TARS2: variants seen among roughly 807,000 people sequenced by gnomAD.
The protein encoded by TARS2 is threonine--tRNA ligase, mitochondrial.
TARS2 carries 61 observed loss-of-function variants against 94.4 expected under a neutral mutation model. The observed-to-expected ratio is 0.65, with a 90% CI of 0.53 to 0.80. The LOEUF is 0.80. Among genes scored for constraint, TARS2 ranks in the 30% least tolerant of loss-of-function variants. The pLI is 0.00. For missense variants in TARS2, 704 were observed against 902.5 expected (o/e 0.78, Z 2.82); for synonymous variants, 359 against 353.4 (o/e 1.02, Z -0.18).
rs1181949429 is a variant in TARS2 at position 150,507,165 on chromosome 1, G to A, written c.*101G>A. ...ACAATGTGGAGCCCCCAGAACTTCA[G>A]AACTGTGTGGAGGCACATGTCTGCT... On this transcript the variant is annotated 3_prime_UTR_variant, in exon 18 of 18. Transcript: ENST00000369064. 4.7e-6 allele frequency: 7 copies of A among 1,491,702 alleles called. No individual in the cohort carries two copies. Among genetic ancestry groups the A allele is most frequent in the Admixed American group, 2.0e-5 (1 of 49,062 alleles). 92.4% of individuals were successfully genotyped at this position (1,491,702 alleles called of 1,614,324 possible).
chr1:150,497,829 C>T (rs1022742840), intron 10 of TARS2, 82 bp downstream of exon 10: 92 of 1,407,624 alleles, frequency 6.5e-5, no homozygotes, highest in Admixed American at 1.1e-4. Flanking sequence ...CGGTGGCTCA[C>T]GCCTGTAATC....
chr1:150,500,685 G>A (rs1224523125), intron 13 of TARS2, among the ~76,000 whole-genome samples: 3 of 152,118 alleles, frequency 2.0e-5, no homozygotes, highest in African/African-American at 7.2e-5. Context: ...TCAGGGGTTT[G>A]AGACCCTGTC....
chr1:150,502,048 GATT>G (rs1418966381), intron 13 of TARS2, among the ~76,000 whole-genome samples: 2 of 151,568 alleles, frequency 1.3e-5, no homozygotes, highest in Non-Finnish European at 1.5e-5. Flanking sequence ...GAGTAGCTGG[GATT>G]ACAGGCATGT....
Position 150,491,594 on chromosome 1 carries a change from C to T in TARS2, c.631-4C>T. ...TCTTCAATCTCCCTTCTACCTTTTT[C>T]CAGGATAACCCCTTTAAGCTTCACT... On this transcript the variant is annotated splice_polypyrimidine_tract_variant and splice_region_variant and intron_variant, in intron 5 of 17. Transcript: ENST00000369064. 6.2e-7 allele frequency: 1 copy of T among 1,614,114 alleles called. No individual in the cohort carries two copies. The highest frequency in any genetic ancestry group is 1.1e-5 in the South Asian group (1 of 91,076).
rs749219029 is a variant in TARS2, at chr1:150,491,390, C to A, written c.513-4C>A. On this transcript the variant is annotated splice_polypyrimidine_tract_variant and splice_region_variant and intron_variant, in intron 4 of 17. Transcript: ENST00000369064. ...TGCAACCCAACCAATTCTCCTCTTTCCAGGACAATCCGGGGCTCAGAGCTG... is the reference window on the plus strand; with the variant it reads ...TGCAACCCAACCAATTCTCCTCTTTACAGGACAATCCGGGGCTCAGAGCTG... 1.9e-6 allele frequency: 3 copies of A among 1,612,524 alleles called. No homozygotes were observed. The highest frequency in any genetic ancestry group is 2.5e-6 in the Non-Finnish European group (3 of 1,180,004).
At chr1:150,494,198 C>T (rs1669537086) in intron 7 of TARS2, among the ~76,000 whole-genome samples, 1 of 151,136 alleles carries the variant, frequency 6.6e-6, no homozygotes, top group East Asian at 2.0e-4. Flanking sequence ...GAAACCCTGT[C>T]TCTACTAAAA....
intron 7 of TARS2, among the ~76,000 whole-genome samples, chr1:150,495,759 G>A (rs184448703): frequency 4.0e-5 from 6 of 151,198 alleles, no homozygotes; most frequent in Admixed American, 2.0e-4. Context: ...TTGCTCTGTC[G>A]CCCAGGCTGG....
At chr1:150,491,262 G>A (rs1669369290) in intron 4 of TARS2, 132 bp from the exon 5 acceptor site, 1 of 810,282 alleles carries the variant, frequency 1.2e-6, no homozygotes, top group Non-Finnish European at 2.0e-6. Context: ...TTTTCTCTGA[G>A]TTTGTCTGTC....
At chr1:150,489,234 T>G (rs1169102768) in intron 3 of TARS2, 147 bp downstream of exon 3, 1 of 1,216,028 alleles carries the variant, frequency 8.2e-7, no homozygotes, top group East Asian at 2.5e-5. Context: ...CTATTTCTGG[T>G]TAGGAAACTT....
chr1:150,490,623 A>G lies in TARS2; in HGVS notation c.410A>G (p.His137Arg). ...CAGGTGTTCTGGCACTCCAGCACCC[A>G]TGTCCTGGGGGCAGCAGCTGAACAA... ...GKAVFWHSSTHVLGAAAEQFL... is the reference protein window; with the variant it reads ...GKAVFWHSSTRVLGAAAEQFL... The change falls in exon 4 of 18, where the codon CAT becomes CGT. Residue 137 changes from histidine to arginine, a missense_variant. Physicochemically the swap from His to Arg is conservative, Grantham distance 29. Around this residue, in one of 3 missense-constraint regions of TARS2, gnomAD observed 208 missense variants for 228.5 expected, o/e 0.91. Transcript: ENST00000369064. 6.2e-7 allele frequency: 1 copy of G among 1,613,978 alleles called. No homozygotes were observed. Among genetic ancestry groups the G allele is most frequent in the Non-Finnish European group, 8.5e-7 (1 of 1,179,970 alleles).
chr1:150,497,857 C>T (rs1018838006), intron 10 of TARS2, 110 bp downstream of exon 10: 23 of 1,124,990 alleles, frequency 2.0e-5, no homozygotes, highest in African/African-American at 1.3e-4. Context: ...TTTGGGAGGC[C>T]GAGGCGGGCG....
Position 150,504,969 on chromosome 1 carries a change from C to A in TARS2, c.1884C>A (p.Tyr628Ter). The change falls in exon 16 of 18, where the codon TAC becomes TAA. Residue 628 changes from tyrosine to a stop codon, truncating the protein, a stop_gained. Coordinates refer to ENST00000369064, the MANE Select transcript of TARS2 (RefSeq NM_025150.5). LOFTEE classifies it high-confidence loss of function. ...VIPVGSEQEE[Y>*]AKEAQQSLRA... ...CTGTGGGGAGTGAGCAAGAGGAATA[C>A]GCCAAAGAGGTAAGGAGTTGAGGTA... 1 of 1,614,100 alleles carries A rather than the reference C, an allele frequency of 6.2e-7. No individual in the cohort carries two copies. The highest frequency in any genetic ancestry group is 8.5e-7 in the Non-Finnish European group (1 of 1,180,036).
intron 1 of TARS2, 44 bp from the exon 2 acceptor site, chr1:150,487,814 A>G: frequency 6.3e-7 from 1 of 1,585,244 alleles, no homozygotes; most frequent in Non-Finnish European, 8.6e-7. Flanking sequence ...TCTAAGAAAG[A>G]ATGATGGGAC....
intron 7 of TARS2, among the ~76,000 whole-genome samples, chr1:150,495,711 T>C (rs1570847430): frequency 1.5e-5 from 2 of 135,876 alleles, no homozygotes; most frequent in South Asian, 2.4e-4. Flanking sequence ...AGTACTTTTT[T>C]GTTTGTTTGT....
At chr1:150,505,424 G>C (rs1022718201) in intron 16 of TARS2, among the ~76,000 whole-genome samples, 167 bp from the exon 17 acceptor site, 2 of 152,126 alleles carry the variant, frequency 1.3e-5, no homozygotes, top group African/African-American at 4.8e-5. Flanking sequence ...TGGGGAGGAG[G>C]CCTCAATGTG....
chr1:150,488,173 C>T (rs1669233385), intron 2 of TARS2, 119 bp downstream of exon 2: 17 of 1,183,890 alleles, frequency 1.4e-5, no homozygotes, highest in Non-Finnish European at 1.8e-5. Flanking sequence ...TTAAGATAGC[C>T]TTTCCTGAAG....
chr1:150,499,582 T>C (rs587766884), intron 13 of TARS2, among the ~76,000 whole-genome samples: 2 of 152,104 alleles, frequency 1.3e-5, no homozygotes, highest in South Asian at 4.1e-4. Context: ...GCCAGACTGG[T>C]CTCGAACTCC....
chr1:150,507,141 C>T lies in TARS2; in HGVS notation c.*77C>T. The T allele has an allele frequency of 6.3e-7, 1 of 1,577,484 alleles. No homozygotes were observed. The highest frequency in any genetic ancestry group is 1.1e-5 in the South Asian group (1 of 87,296). ...ACATGGGAGACCCCAACCCAGCTGACAATGTGGAGCCCCCAGAACTTCAGA... is the reference window on the plus strand; with the variant it reads ...ACATGGGAGACCCCAACCCAGCTGATAATGTGGAGCCCCCAGAACTTCAGA... On this transcript the variant is annotated 3_prime_UTR_variant, in exon 18 of 18. Coordinates refer to ENST00000369064, the MANE Select transcript of TARS2 (RefSeq NM_025150.5).
At chr1:150,505,109 C>G (rs1177180983) in intron 16 of TARS2, 131 bp downstream of exon 16, 2 of 823,132 alleles carry the variant, frequency 2.4e-6, no homozygotes, top group Non-Finnish European at 3.8e-6. Context: ...AGACTGGGCT[C>G]GAGTGGCTGC....
Sources: allele counts gnomAD v4.1 joint callset (sites outside exome capture counted in the v4.1 genomes callset), GRCh38; gene constraint gnomAD v4.1.1; regional missense constraint gnomAD v4.1.1; transcripts MANE v1.5; gene names NCBI Gene and HGNC (gene_info 2026-07-23, HGNC 2026-07-21).